The following SLC7A9 variants were observed in gnomAD, a reference collection of about 807,000 sequenced individuals.
SLC7A9 encodes the protein B(0,+)-type amino acid transporter 1.
SLC7A9 carries 38 observed loss-of-function variants against 54.1 expected under a neutral mutation model. That is an observed-to-expected ratio of 0.70 (90% CI 0.54 to 0.92). The LOEUF is 0.92. Among genes scored for constraint, SLC7A9 ranks in the 40% least tolerant of loss-of-function variants. The pLI, the probability that SLC7A9 is intolerant of heterozygous loss-of-function variation, is 0.00. For missense variants in SLC7A9, 537 were observed against 636.1 expected (o/e 0.84, Z 1.68); for synonymous variants, 264 against 258.9 (o/e 1.02, Z -0.19).
chr19:32,849,228 A>T (rs1159865805), intron 9 of SLC7A9, among the ~76,000 whole-genome samples: 2 of 152,228 alleles, frequency 1.3e-5, no homozygotes, highest in African/African-American at 2.4e-5. Context: ...ACCCTTCAAA[A>T]AATTAATGAA....
At chr19:32,832,200 A>T (rs554317764) in intron 12 of SLC7A9, among the ~76,000 whole-genome samples, 2 of 152,140 alleles carry the variant, frequency 1.3e-5, no homozygotes, top group African/African-American at 4.8e-5. Context: ...GAGGCAGGAA[A>T]ATCGCTTGAA....
intron 10 of SLC7A9, among the ~76,000 whole-genome samples, chr19:32,843,425 C>T (rs1454347964): frequency 2.0e-5 from 3 of 152,018 alleles, no homozygotes; most frequent in Non-Finnish European, 4.4e-5. Context: ...GCACTGCACT[C>T]CATCCAGCCT....
rs1279888051 is a variant in SLC7A9, at chr19:32,864,351, G to A, written c.236-13C>T. 39 of 1,613,584 alleles carry A rather than the reference G, an allele frequency of 2.4e-5. No individual in the cohort carries two copies. Among genetic ancestry groups the A allele is most frequent in the Non-Finnish European group, 3.2e-5 (38 of 1,180,004 alleles). Reference sequence around the variant, plus strand: ...AAGCACAGGGCACCTGGAACACAGAGAGGAAGGGCCCACAGGCCCCTTGTG... The same window carrying A: ...AAGCACAGGGCACCTGGAACACAGAAAGGAAGGGCCCACAGGCCCCTTGTG... On this transcript the variant is annotated splice_polypyrimidine_tract_variant and intron_variant, in intron 3 of 12. Transcript: ENST00000023064.
At chr19:32,852,711 C>A (rs990161103) in intron 9 of SLC7A9, among the ~76,000 whole-genome samples, 2 of 152,016 alleles carry the variant, frequency 1.3e-5, no homozygotes, top group African/African-American at 4.8e-5. Context: ...GATTTAGACA[C>A]AAGGTGAATA....
chr19:32,853,855 TG>T (rs1360051222), intron 9 of SLC7A9, among the ~76,000 whole-genome samples: 6 of 149,890 alleles, frequency 4.0e-5, no homozygotes, highest in Non-Finnish European at 8.9e-5. Flanking sequence ...AGGCAGATGT[TG>T]CAGTGAGCCA....
At chr19:32,856,269 A>G (rs575240744) in intron 9 of SLC7A9, among the ~76,000 whole-genome samples, 86 of 148,922 alleles carry the variant, frequency 5.8e-4, no homozygotes, top group African/African-American at 1.9e-3. Flanking sequence ...ATCTTGGCTC[A>G]CTGTAAGCTC....
In SLC7A9 at chr19:32,869,734, G is replaced by C. The variant is rs577119618; in HGVS notation, c.-160C>G. 1 of 152,106 alleles carries C rather than the reference G, an allele frequency of 6.6e-6. No individual in the cohort carries two copies. The highest frequency in any genetic ancestry group is 1.9e-4 in the East Asian group (1 of 5,184). The allele number at this position is 152,106 out of a possible 1,614,324, so 9.4% of individuals were successfully genotyped here. A position where few individuals can be genotyped will look rare whatever the true frequency, so the allele number is the denominator to read the frequency against. ...CGGAGGAGCTGCGGCCCAGCTGACC[G>C]CCCGTGCCTGCACGGTCCAACCCTA... On this transcript the variant is annotated 5_prime_UTR_variant, in exon 1 of 13. Transcript: ENST00000023064.
intron 6 of SLC7A9, among the ~76,000 whole-genome samples, chr19:32,861,284 A>C (rs548926016): frequency 1.5e-3 from 222 of 151,354 alleles, no homozygotes; most frequent in African/African-American, 5.3e-3. Context: ...GTGAGCCGAG[A>C]TCTCACCACA....
At chr19:32,860,173 T>G (rs1372034509) in intron 7 of SLC7A9, 12 of 1,504,904 alleles carry the variant, frequency 8.0e-6, no homozygotes, top group Non-Finnish European at 3.5e-6. Flanking sequence ...AAGCCAGAGA[T>G]AAAGGAAGAC....
At chr19:32,842,507 A>C (rs1253014016) in intron 10 of SLC7A9, among the ~76,000 whole-genome samples, 190 bp from the exon 11 acceptor site, 1 of 152,196 alleles carries the variant, frequency 6.6e-6, no homozygotes, top group Non-Finnish European at 1.5e-5. Context: ...GCTTGCAGAA[A>C]AGACCTGGGA....
At chr19:32,834,084 A>C (rs1967885710) in intron 11 of SLC7A9, among the ~76,000 whole-genome samples, 1 of 152,076 alleles carries the variant, frequency 6.6e-6, no homozygotes, top group Non-Finnish European at 1.5e-5. Context: ...TTTTCTATAC[A>C]TGGTGAGTTT....
rs190205808 is a variant in SLC7A9 at position 32,868,773 on chromosome 19, G to A, written c.-111-128C>T. 1.4e-3 allele frequency: 840 copies of A among 582,148 alleles called. 4 individuals carry two copies. Among genetic ancestry groups the A allele is most frequent in the African/African-American group, 0.014 (750 of 54,344 alleles). The allele number at this position is 582,148 out of a possible 1,614,324, so 36.1% of individuals were successfully genotyped here. ...TCCAGGCAGGGGAACACAGCTCCCC[G>A]CTGCTCTCCAAAGCTCAGCTGCTTG... On this transcript the variant is annotated intron_variant, in intron 1 of 12. Transcript: ENST00000023064.
intron 11 of SLC7A9, among the ~76,000 whole-genome samples, chr19:32,837,314 G>A (rs1023638645): frequency 1.3e-5 from 2 of 151,976 alleles, no homozygotes; most frequent in Non-Finnish European, 2.9e-5. Flanking sequence ...GGCCCACATG[G>A]CGAAACCCCA....
At chr19:32,841,406 C>G (rs11671987) in intron 11 of SLC7A9, among the ~76,000 whole-genome samples, 15,908 of 151,924 alleles carry the variant, frequency 0.1, 1,042 homozygotes, top group Middle Eastern at 0.16. Context: ...AATGAGTCTG[C>G]GGCTGGAGTT....
Position 32,867,731 on chromosome 19 carries a change from G to T in SLC7A9, c.87+717C>A, listed in dbSNP as rs1051953973. 3.3e-5 allele frequency among the ~76,000 whole-genome samples: 5 copies of T among 151,844 alleles called. 1 individual carries two copies. The highest frequency in any genetic ancestry group is 2.0e-4 in the Admixed American group (3 of 15,230). On this transcript the variant is annotated intron_variant, in intron 2 of 12. Transcript: ENST00000023064. ...AGGCCGAGGTGGGCGGATCACTTGA[G>T]GCCAGGAATTGGAGACCAGCCTGGC...
Position 32,837,906 on chromosome 19 carries a change from T to C in SLC7A9, c.1224+4262A>G, listed in dbSNP as rs73926146. 7.0e-3 allele frequency among the ~76,000 whole-genome samples: 1,063 copies of C among 152,302 alleles called. 10 individuals carry two copies. Among genetic ancestry groups the C allele is most frequent in the African/African-American group, 0.024 (1,008 of 41,556 alleles). On this transcript the variant is annotated intron_variant, in intron 11 of 12. Transcript: ENST00000023064. ...AGCATTTAGAGATGCATGGATTCTATAGTTCAGGGTGTTAAAAGCTAATAA... is the reference window on the plus strand; with the variant it reads ...AGCATTTAGAGATGCATGGATTCTACAGTTCAGGGTGTTAAAAGCTAATAA...
At chr19:32,848,234 A>G (rs951621013) in intron 9 of SLC7A9, among the ~76,000 whole-genome samples, 1 of 152,272 alleles carries the variant, frequency 6.6e-6, no homozygotes, top group African/African-American at 2.4e-5. Context: ...TAAAAGACAC[A>G]GACTGGCAAA....
In SLC7A9 at chr19:32,859,923, G is replaced by A. The variant is rs199927183; in HGVS notation, c.791C>T (p.Thr264Met). 2.1e-5 allele frequency: 34 copies of A among 1,614,140 alleles called. No individual in the cohort carries two copies. In the East Asian group the frequency reaches 6.0e-4, roughly 29 times the overall value. Residue 264 changes from threonine to methionine, a missense_variant, in exon 8 of 13, where the codon ACG (threonine) becomes ATG (methionine). Physicochemically the swap from Thr to Met is moderately conservative, Grantham distance 81. Transcript: ENST00000023064. ...LAIIIGIPLVTACYILMNVSY... is the reference protein window; with the variant it reads ...LAIIIGIPLVMACYILMNVSY... ...CACGTTCATGAGGATGTAGCACGCCGTCACCAGGGGGATCCCGATGATAAT... is the reference window on the plus strand; with the variant it reads ...CACGTTCATGAGGATGTAGCACGCCATCACCAGGGGGATCCCGATGATAAT...
At chr19:32,865,209 A>G (rs777978295) in intron 2 of SLC7A9, among the ~76,000 whole-genome samples, 4 of 152,192 alleles carry the variant, frequency 2.6e-5, no homozygotes, top group Non-Finnish European at 4.4e-5. Context: ...TCCTGGCCAG[A>G]GGCTCCATGC....
Sources: allele counts gnomAD v4.1 joint callset (sites outside exome capture counted in the v4.1 genomes callset), GRCh38; gene constraint gnomAD v4.1.1; transcripts MANE v1.5; gene names NCBI Gene and HGNC (gene_info 2026-07-23, HGNC 2026-07-21).